KCNT2: variants seen among roughly 807,000 people sequenced by gnomAD.
KCNT2 encodes potassium channel subfamily T member 2.
In KCNT2, 67 loss-of-function variants were observed where a neutral mutation model predicts 153.8. The ratio of observed to expected loss-of-function variants is 0.44; its 90% CI spans 0.36 to 0.53. The LOEUF (loss-of-function observed/expected upper bound fraction) is 0.53. KCNT2 is among the 20% of genes least tolerant of loss of function. The pLI is 0.00. For synonymous variants in KCNT2, 500 were observed against 458.8 expected (o/e 1.09, Z -1.15); for missense variants, 975 against 1,354.8 (o/e 0.72, Z 4.40).
intron 16 of KCNT2, among the ~76,000 whole-genome samples, chr1:196,335,397 T>C (rs1480071558): frequency 6.6e-6 from 1 of 152,152 alleles, no homozygotes; most frequent in East Asian, 1.9e-4. Context: ...GGTATAGGTA[T>C]AGCCTACTGC....
intron 1 of KCNT2, among the ~76,000 whole-genome samples, chr1:196,565,609 A>G (rs1301475398): frequency 1.4e-5 from 2 of 147,528 alleles, no homozygotes; most frequent in Non-Finnish European, 3.0e-5. Flanking sequence ...ATATATATAT[A>G]TGTATATATG....
chr1:196,385,223 C>CA (rs1281254299), intron 13 of KCNT2, among the ~76,000 whole-genome samples: 2 of 152,144 alleles, frequency 1.3e-5, no homozygotes, highest in Non-Finnish European at 2.9e-5. Context: ...ATATGATATT[C>CA]ACATCAGCAG....
intron 22 of KCNT2, among the ~76,000 whole-genome samples, chr1:196,287,491 T>C (rs1481087108): frequency 6.6e-6 from 1 of 152,066 alleles, no homozygotes; most frequent in Non-Finnish European, 1.5e-5. Flanking sequence ...CTTGGTTCAA[T>C]TACATTACCA....
chr1:196,492,345 CA>C lies in KCNT2; in HGVS notation c.96-5del. ...CATATAGAATTCAACTTGTACCCTG[CA>C]AACAGAAAATAAAAACATGTAAATG... On this transcript the variant is annotated splice_polypyrimidine_tract_variant and splice_region_variant and intron_variant, in intron 1 of 27. Transcript: ENST00000294725. 1 of 1,367,778 alleles carries C rather than the reference CA, an allele frequency of 7.3e-7. No individual in the cohort carries two copies. The highest frequency in any genetic ancestry group is 9.7e-7 in the Non-Finnish European group (1 of 1,030,088). 84.7% of individuals were successfully genotyped at this position (1,367,778 alleles called of 1,614,324 possible).
At chr1:196,604,764 A>C (rs1372292644) in intron 1 of KCNT2, among the ~76,000 whole-genome samples, 1 of 151,688 alleles carries the variant, frequency 6.6e-6, no homozygotes, top group Non-Finnish European at 1.5e-5. Flanking sequence ...TGCATTACAT[A>C]ATATACAATT....
chr1:196,352,314 A>G (rs536436655), intron 14 of KCNT2, among the ~76,000 whole-genome samples: 7,164 of 151,358 alleles, frequency 0.047, 246 homozygotes, highest in Non-Finnish European at 0.069. Flanking sequence ...GGTAGAATTC[A>G]GCTGTGAATC....
intron 8 of KCNT2, among the ~76,000 whole-genome samples, chr1:196,454,443 CACTT>C (rs563793722): frequency 6.6e-6 from 1 of 151,968 alleles, no homozygotes. Flanking sequence ...GTTTACCTCT[CACTT>C]ACAAGTGAGA....
At chr1:196,314,328 A>G (rs56199993) in intron 21 of KCNT2, among the ~76,000 whole-genome samples, 16,197 of 151,444 alleles carry the variant, frequency 0.11, 1,235 homozygotes, top group African/African-American at 0.22. Flanking sequence ...TACCCTACTC[A>G]CTAGCTATAA....
intron 14 of KCNT2, among the ~76,000 whole-genome samples, chr1:196,367,750 C>T (rs1668164910): frequency 6.6e-6 from 1 of 152,098 alleles, no homozygotes; most frequent in Non-Finnish European, 1.5e-5. Flanking sequence ...TATTAAAAAG[C>T]TATAAATCTA....
intron 26 of KCNT2, among the ~76,000 whole-genome samples, chr1:196,249,445 A>G (rs1025683198): frequency 2.0e-5 from 3 of 152,156 alleles, no homozygotes; most frequent in African/African-American, 7.2e-5. Flanking sequence ...CTGATAAACA[A>G]ATTCAGTAAA....
intron 26 of KCNT2, among the ~76,000 whole-genome samples, chr1:196,239,263 T>C (rs1654732731): frequency 6.6e-6 from 1 of 151,836 alleles, no homozygotes. Flanking sequence ...AATTATAAGT[T>C]TAAATTATTT....
At chr1:196,594,057 CTATG>C (rs1663751350) in intron 1 of KCNT2, among the ~76,000 whole-genome samples, 1 of 151,860 alleles carries the variant, frequency 6.6e-6, no homozygotes, top group Non-Finnish European at 1.5e-5. Flanking sequence ...CTACCACTAC[CTATG>C]TGAGTATGAG....
intron 23 of KCNT2, among the ~76,000 whole-genome samples, chr1:196,283,526 C>T (rs955663937): frequency 6.6e-6 from 1 of 152,052 alleles, no homozygotes; most frequent in Non-Finnish European, 1.5e-5. Context: ...GACAGTGCAT[C>T]TCTTATATTA....
At chr1:196,267,191 G>A (rs1288374359) in intron 25 of KCNT2, among the ~76,000 whole-genome samples, 1 of 152,210 alleles carries the variant, frequency 6.6e-6, no homozygotes, top group East Asian at 1.9e-4. Context: ...TTGATGCCAT[G>A]CTCTTCCAAG....
intron 27 of KCNT2, among the ~76,000 whole-genome samples, chr1:196,235,185 C>G (rs1444614748): frequency 1.3e-5 from 2 of 151,370 alleles, no homozygotes; most frequent in Non-Finnish European, 3.0e-5. Context: ...AATTTCTACT[C>G]CAGTCAAATT....
intron 27 of KCNT2, among the ~76,000 whole-genome samples, chr1:196,229,618 A>G (rs188484329): frequency 1.3e-5 from 2 of 152,256 alleles, no homozygotes; most frequent in South Asian, 4.1e-4. Context: ...AAAAGCTTAC[A>G]TAAGTTGGAA....
chr1:196,248,849 G>GAAAC (rs978628478), intron 26 of KCNT2, among the ~76,000 whole-genome samples: 2 of 151,962 alleles, frequency 1.3e-5, no homozygotes, highest in East Asian at 1.9e-4. Flanking sequence ...CATCGACAAA[G>GAAAC]AAACAAACAA....
rs1478212046 is a variant in KCNT2 at position 196,524,877 on chromosome 1, A to T, written c.96-32536T>A. Among the ~76,000 whole-genome samples, 8 of 152,312 alleles carry T rather than the reference A, an allele frequency of 5.3e-5. No individual in the cohort carries two copies. In the East Asian group the frequency reaches 1.5e-3, roughly 29 times the overall value. On this transcript the variant is annotated intron_variant, in intron 1 of 27. Transcript: ENST00000294725. Reference sequence around the variant, plus strand: ...CCATAAACTGTCTTCTAGCTTAAAAAATATTAATTTAATAAATCACTAGGT... The same window carrying T: ...CCATAAACTGTCTTCTAGCTTAAAATATATTAATTTAATAAATCACTAGGT...
At chr1:196,286,790 ATTTG>A (rs1379191607) in intron 22 of KCNT2, among the ~76,000 whole-genome samples, 1 of 152,034 alleles carries the variant, frequency 6.6e-6, no homozygotes, top group Non-Finnish European at 1.5e-5. Context: ...CAAATGTCAA[ATTTG>A]TTTAAGTTTA....
Sources: allele counts gnomAD v4.1 joint callset (sites outside exome capture counted in the v4.1 genomes callset), GRCh38; gene constraint gnomAD v4.1.1; transcripts MANE v1.5; gene names NCBI Gene and HGNC (gene_info 2026-07-23, HGNC 2026-07-21).